The following TIPIN variants were observed in gnomAD, a reference collection of about 807,000 sequenced individuals.
TIPIN encodes TIMELESS-interacting protein.
Under a neutral mutation model 35.6 loss-of-function variants are expected in TIPIN, and 29 were observed. That is an observed-to-expected ratio of 0.82 (90% CI 0.61 to 1.11). The LOEUF is 1.11. Among genes scored for constraint, TIPIN ranks in the 50% most tolerant of loss-of-function variants. The pLI, the probability that TIPIN is intolerant of heterozygous loss-of-function variation, is 0.00. For missense variants in TIPIN, 296 were observed against 345.4 expected, an observed-to-expected ratio of 0.86 and a Z score of 1.13; for synonymous variants, 102 against 121.5, an observed-to-expected ratio of 0.84 and a Z score of 1.06.
At chr15:66,355,534 G>A (rs2093198278) in intron 1 of TIPIN, among the ~76,000 whole-genome samples, 1 of 151,842 alleles carries the variant, frequency 6.6e-6, no homozygotes, top group Admixed American at 6.6e-5. Flanking sequence ...CGGATCATGA[G>A]GTCAGGAGTT....
chr15:66,382,916 T>A, intron 1 of TIPIN: 3 of 985,162 alleles, frequency 3.0e-6, no homozygotes, highest in Non-Finnish European at 3.6e-6. Context: ...TCAGGAAAAG[T>A]TGACAGAACC....
intron 1 of TIPIN, among the ~76,000 whole-genome samples, chr15:66,377,308 T>C (rs1161947315): frequency 6.6e-6 from 1 of 152,164 alleles, no homozygotes; most frequent in East Asian, 1.9e-4. Context: ...TATTAATACT[T>C]TCCTTATGTT....
chr15:66,385,780 C>A (rs929712930), intron 1 of TIPIN, among the ~76,000 whole-genome samples: 1 of 152,066 alleles, frequency 6.6e-6, no homozygotes, highest in African/African-American at 2.4e-5. Context: ...AGCCACCGCG[C>A]CTGGCCTGGA....
intron 1 of TIPIN, among the ~76,000 whole-genome samples, chr15:66,375,331 C>G (rs1345231589): frequency 6.6e-6 from 1 of 151,522 alleles, no homozygotes; most frequent in Non-Finnish European, 1.5e-5. Context: ...TTCTTTTTCA[C>G]TCTGTTTTTG....
At chr15:66,380,075 C>T (rs1213489096) in intron 1 of TIPIN, 9 of 386,488 alleles carry the variant, frequency 2.3e-5, no homozygotes, top group African/African-American at 1.7e-4. Context: ...TATCTGGGCT[C>T]ACTGCAACCT....
intron 7 of TIPIN, among the ~76,000 whole-genome samples, chr15:66,337,879 CAAAAA>C (rs199639209): frequency 4.4e-4 from 64 of 144,224 alleles, no homozygotes; most frequent in African/African-American, 1.6e-3. Context: ...CAAAAAAAAA[CAAAAA>C]AAAAGCAAAA....
intron 1 of TIPIN, among the ~76,000 whole-genome samples, chr15:66,356,389 A>G (rs2093204243): frequency 6.6e-6 from 1 of 152,210 alleles, no homozygotes; most frequent in Non-Finnish European, 1.5e-5. Context: ...GATCAGGAAC[A>G]CGTTCCCTCC....
Position 66,341,185 on chromosome 15 carries a change from GC to G in TIPIN, c.646del (p.Ala216GlnfsTer4). ...GGTCTGACTATTACTCAGCAGCTTT[GC>G]CTGCCTTCTTTCCAAGGCCAGTTGT... ...NKQLALERRQ[A>X]KLLSNSQTLG... On this transcript the variant is annotated frameshift_variant, in exon 7 of 8. Coordinates refer to ENST00000261881, the MANE Select transcript of TIPIN (RefSeq NM_017858.3). LOFTEE classifies it high-confidence loss of function. The G allele has an allele frequency of 6.2e-7, 1 of 1,612,088 alleles. No homozygotes were observed. Among genetic ancestry groups the G allele is most frequent in the Non-Finnish European group, 8.5e-7 (1 of 1,179,946 alleles).
intron 1 of TIPIN, among the ~76,000 whole-genome samples, chr15:66,365,674 G>A (rs539276247): frequency 6.6e-6 from 1 of 152,268 alleles, no homozygotes; most frequent in East Asian, 1.9e-4. Flanking sequence ...AGCCTCCTGA[G>A]TAGCTGGGAT....
At chr15:66,343,895 G>T (rs1176805258) in intron 6 of TIPIN, among the ~76,000 whole-genome samples, 1 of 152,048 alleles carries the variant, frequency 6.6e-6, no homozygotes, top group South Asian at 2.1e-4. Flanking sequence ...CTACTCAGGA[G>T]GCTGAGGCAG....
upstream of TIPIN, among the ~76,000 whole-genome samples, chr15:66,360,775 T>C (rs1253915460): frequency 6.6e-6 from 1 of 152,192 alleles, no homozygotes; most frequent in African/African-American, 2.4e-5. Flanking sequence ...AAGACCAGCC[T>C]GGCCAACATG....
chr15:66,366,028 C>T (rs2093252428), intron 1 of TIPIN, among the ~76,000 whole-genome samples: 1 of 152,010 alleles, frequency 6.6e-6, no homozygotes, highest in Admixed American at 6.6e-5. Context: ...GAGAATCACC[C>T]TACCCAAAAG....
chr15:66,370,434 G>A (rs538610980), intron 1 of TIPIN, among the ~76,000 whole-genome samples: 22 of 151,928 alleles, frequency 1.4e-4, no homozygotes, highest in African/African-American at 5.1e-4. Context: ...TCAGAATGTC[G>A]GACGTGAAGA....
intron 1 of TIPIN, chr15:66,383,068 G>T: frequency 1.2e-6 from 1 of 800,268 alleles, no homozygotes; most frequent in South Asian, 5.8e-5. Flanking sequence ...ACTCAGTGGA[G>T]GCCAACCCAG....
chr15:66,384,963 A>C (rs1311355288), intron 1 of TIPIN, among the ~76,000 whole-genome samples: 1 of 152,142 alleles, frequency 6.6e-6, no homozygotes, highest in Admixed American at 6.5e-5. Flanking sequence ...ACAAAACAAA[A>C]CAATGAGTTC....
At chr15:66,355,379 A>T (rs1487714282) in intron 1 of TIPIN, among the ~76,000 whole-genome samples, 3 of 151,966 alleles carry the variant, frequency 2.0e-5, no homozygotes, top group Non-Finnish European at 4.4e-5. Context: ...GCAAAAAAAA[A>T]TTCCAGTTTC....
chr15:66,371,812 T>C (rs62011748), intron 1 of TIPIN, among the ~76,000 whole-genome samples: 8,600 of 151,418 alleles, frequency 0.057, 345 homozygotes, highest in Middle Eastern at 0.11. Flanking sequence ...CCACCGTGCC[T>C]GGCCTGGTAA....
intron 1 of TIPIN, among the ~76,000 whole-genome samples, chr15:66,385,794 A>AAG: frequency 7.3e-6 from 1 of 136,086 alleles, no homozygotes; most frequent in Non-Finnish European, 1.6e-5. Flanking sequence ...GCCTGGATGA[A>AAG]AGTTTTTTTA....
chr15:66,372,778 C>A (rs1181594551), intron 1 of TIPIN, among the ~76,000 whole-genome samples: 2 of 152,134 alleles, frequency 1.3e-5, no homozygotes. Flanking sequence ...GGGCGGGGGC[C>A]TGTAATCCCA....
Sources: gnomAD v4.1 joint callset for allele counts (sites outside exome capture counted in the v4.1 genomes callset) on GRCh38, gnomAD v4.1.1 for gene constraint, MANE v1.5 for transcripts, NCBI Gene and HGNC (gene_info 2026-07-23, HGNC 2026-07-21) for gene names.